MEIS2: variants seen among roughly 807,000 people sequenced by gnomAD.
The protein encoded by MEIS2 is homeobox protein Meis2.
A neutral mutation model predicts 58.6 loss-of-function variants in MEIS2; 9 were observed. The observed-to-expected ratio is 0.15, with a 90% CI of 0.09 to 0.27. The LOEUF (loss-of-function observed/expected upper bound fraction) is 0.27, where lower values mean the gene tolerates loss of function less well. MEIS2 is among the 10% of genes least tolerant of loss of function. MEIS2 has a pLI of 1.00. For missense variants in MEIS2, 427 were observed against 635.0 expected, an observed-to-expected ratio of 0.67 and a Z score of 3.52; for synonymous variants, 221 against 228.4, an observed-to-expected ratio of 0.97 and a Z score of 0.29.
At chr15:37,087,356 TAGA>T (rs1027122038) in intron 6 of MEIS2, among the ~76,000 whole-genome samples, 1 of 151,972 alleles carries the variant, frequency 6.6e-6, no homozygotes, top group African/African-American at 2.4e-5. Context: ...TGGAGCACAA[TAGA>T]AGGAGATGGA....
At chr15:36,920,656 C>T (rs2057470167) in intron 9 of MEIS2, among the ~76,000 whole-genome samples, 1 of 152,192 alleles carries the variant, frequency 6.6e-6, no homozygotes. Context: ...TGGCAGATAA[C>T]AATCTCTTAT....
intron 7 of MEIS2, among the ~76,000 whole-genome samples, chr15:37,077,881 G>T (rs1208087538): frequency 2.1e-4 from 32 of 152,088 alleles, no homozygotes; most frequent in Admixed American, 2.1e-3. Flanking sequence ...GCTGCAAACA[G>T]AGAGAGATGA....
At chr15:37,095,815 G>A in intron 3 of MEIS2, 2 of 672,636 alleles carry the variant, frequency 3.0e-6, no homozygotes, top group South Asian at 1.9e-5. Context: ...CATTAAGGGG[G>A]ACCTGGTACG....
intron 1 of MEIS2, chr15:37,098,643 G>T: frequency 5.2e-6 from 1 of 193,908 alleles, no homozygotes; most frequent in Non-Finnish European, 9.6e-6. Context: ...CCCCGCTCCC[G>T]CCGGAGGCAA....
intron 8 of MEIS2, among the ~76,000 whole-genome samples, chr15:37,015,442 G>T (rs1193020542): frequency 1.3e-5 from 2 of 149,994 alleles, no homozygotes; most frequent in Non-Finnish European, 3.0e-5. Context: ...TTGTTTTGGT[G>T]CAGGAGTATA....
intron 8 of MEIS2, among the ~76,000 whole-genome samples, chr15:36,994,013 G>A (rs888092060): frequency 1.3e-5 from 2 of 151,966 alleles, no homozygotes; most frequent in African/African-American, 2.4e-5. Flanking sequence ...TAGATTGAAC[G>A]CTTTGTTTTC....
chr15:37,079,426 T>A (rs1421165654), intron 7 of MEIS2, among the ~76,000 whole-genome samples: 2 of 152,108 alleles, frequency 1.3e-5, no homozygotes, highest in Non-Finnish European at 2.9e-5. Context: ...AAACATTCCA[T>A]TGACAGAGTT....
intron 9 of MEIS2, among the ~76,000 whole-genome samples, chr15:36,925,189 G>T (rs551564707): frequency 6.6e-6 from 1 of 152,266 alleles, no homozygotes; most frequent in Non-Finnish European, 1.5e-5. Flanking sequence ...AAGTAAAAAA[G>T]GAGAAAAAAA....
At chr15:36,930,703 G>A (rs1418679763) in intron 9 of MEIS2, among the ~76,000 whole-genome samples, 2 of 152,126 alleles carry the variant, frequency 1.3e-5, no homozygotes, top group Admixed American at 6.5e-5. Context: ...GGTTGTTAAA[G>A]AAGAGGAAAG....
chr15:37,008,955 C>T (rs912338848), intron 8 of MEIS2, among the ~76,000 whole-genome samples: 2 of 152,108 alleles, frequency 1.3e-5, no homozygotes, highest in African/African-American at 4.8e-5. Context: ...GATTGAATTC[C>T]TTAAGATAAC....
At chr15:36,966,913 A>G (rs2059377310) in intron 8 of MEIS2, among the ~76,000 whole-genome samples, 1 of 152,150 alleles carries the variant, frequency 6.6e-6, no homozygotes, top group Non-Finnish European at 1.5e-5. Flanking sequence ...CAAGGAGCCC[A>G]GAGCCCTACT....
intron 9 of MEIS2, among the ~76,000 whole-genome samples, chr15:36,931,624 G>A (rs1302409450): frequency 2.0e-5 from 3 of 152,060 alleles, no homozygotes; most frequent in Admixed American, 6.5e-5. Context: ...GAAGTGCCCC[G>A]GAAACCAGAA....
At chr15:37,054,641 A>G (rs1596025637) in intron 7 of MEIS2, among the ~76,000 whole-genome samples, 2 of 152,118 alleles carry the variant, frequency 1.3e-5, no homozygotes. Flanking sequence ...CTTGTCTCCA[A>G]CTTGTGAGCT....
intron 7 of MEIS2, among the ~76,000 whole-genome samples, chr15:37,045,045 C>G (rs184475661): frequency 6.6e-6 from 1 of 152,166 alleles, no homozygotes; most frequent in African/African-American, 2.4e-5. Flanking sequence ...CCTGCCCTAT[C>G]GGCACTAGGT....
intron 9 of MEIS2, among the ~76,000 whole-genome samples, chr15:36,921,917 C>T (rs941331552): frequency 3.3e-5 from 5 of 152,154 alleles, no homozygotes; most frequent in Admixed American, 6.5e-5. Context: ...CGAGGGCTTC[C>T]GTGTGGGAAA....
intron 8 of MEIS2, among the ~76,000 whole-genome samples, chr15:36,994,660 G>A (rs1313861464): frequency 6.6e-6 from 1 of 152,154 alleles, no homozygotes; most frequent in Non-Finnish European, 1.5e-5. Flanking sequence ...TCATGGAAAA[G>A]ATGTGAAAGG....
chr15:37,093,020 A>G (rs1448080511), intron 6 of MEIS2, among the ~76,000 whole-genome samples: 4 of 152,076 alleles, frequency 2.6e-5, no homozygotes, highest in Non-Finnish European at 1.5e-5. Context: ...ATAAGTCCCT[A>G]TTCTGACAAT....
intron 9 of MEIS2, among the ~76,000 whole-genome samples, chr15:36,900,126 C>T (rs181141344): frequency 9.2e-5 from 14 of 152,292 alleles, no homozygotes; most frequent in Admixed American, 3.9e-4. Flanking sequence ...ACTTTTCTAT[C>T]GGTTTAAACA....
chr15:36,974,999 C>G (rs2059692045), intron 8 of MEIS2, among the ~76,000 whole-genome samples: 1 of 152,166 alleles, frequency 6.6e-6, no homozygotes, highest in African/African-American at 2.4e-5. Context: ...ACCTTATTAT[C>G]AAGGCTAAGG....
Sources: allele counts gnomAD v4.1 joint callset (sites outside exome capture counted in the v4.1 genomes callset), GRCh38; gene constraint gnomAD v4.1.1; transcripts MANE v1.5; gene names NCBI Gene and HGNC (gene_info 2026-07-23, HGNC 2026-07-21).